The following RUNX1T1 variants were observed in gnomAD, a reference collection of about 807,000 sequenced individuals.
RUNX1T1 encodes RUNX1 partner transcriptional co-repressor 1, also known as protein CBFA2T1.
A neutral mutation model predicts 62.8 loss-of-function variants in RUNX1T1; 4 were observed. The observed-to-expected ratio is 0.06, with a 90% CI of 0.03 to 0.15. RUNX1T1 has a LOEUF of 0.15. RUNX1T1 is among the 10% of genes least tolerant of loss of function. RUNX1T1 has a pLI of 1.00. For missense variants in RUNX1T1, 508 were observed against 754.3 expected (o/e 0.67, Z 3.82); for synonymous variants, 291 against 286.0 (o/e 1.02, Z -0.18).
At position 92,075,872 on chromosome 8, in the gene RUNX1T1, A is replaced by G. The variant is rs1587495190; in HGVS notation, c.88+93T>C. 8 of 1,203,596 alleles carry G rather than the reference A, an allele frequency of 6.6e-6. No individual in the cohort carries two copies. In the East Asian group the frequency reaches 2.0e-4, roughly 30 times the overall value. 74.6% of individuals were successfully genotyped at this position (1,203,596 alleles called of 1,614,324 possible). On this transcript the variant is annotated intron_variant, in intron 2 of 11. Coordinates refer to the RUNX1T1 transcript ENST00000265814. ...GCACTAGAAGAAGGAAGAAAAAAGA[A>G]AATCTTTACAATTATAATTTATTGG... is the stretch of plus-strand genomic sequence containing the variant.
At chr8:91,970,826 C>T (rs572404332) in exon 10 of RUNX1T1, 1 of 1,610,752 alleles carries the variant, frequency 6.2e-7, no homozygotes, top group African/African-American at 1.3e-5. Flanking sequence ...TCGCCTGGCG[C>T]TTCACCTCAT....
At chr8:91,959,236 G>A (rs763224878) in exon 11 of RUNX1T1, 7 of 218,124 alleles carry the variant, frequency 3.2e-5, no homozygotes, top group African/African-American at 6.7e-5. Context: ...GGCTGGAGCT[G>A]AAGCCACCAT....
chr8:92,004,986 G>T, intron 5 of RUNX1T1, 130 bp downstream of exon 6: 1 of 752,808 alleles, frequency 1.3e-6, no homozygotes, highest in Non-Finnish European at 2.1e-6. Context: ...TCTCAAGATG[G>T]CCACAATGGC....
intron 1 of RUNX1T1, among the ~76,000 whole-genome samples, chr8:92,057,836 C>T (rs2130518532): frequency 6.6e-6 from 1 of 152,194 alleles, no homozygotes; most frequent in South Asian, 2.1e-4. Flanking sequence ...CAAAGAACTG[C>T]AACTGTACAC....
intron 5 of RUNX1T1, among the ~76,000 whole-genome samples, chr8:91,993,626 G>C (rs1017377973): frequency 6.6e-6 from 1 of 152,024 alleles, no homozygotes; most frequent in Non-Finnish European, 1.5e-5. Flanking sequence ...CCTATCTCAG[G>C]CTTTTTTCCC....
chr8:92,058,880 A>C (rs1365047607), intron 1 of RUNX1T1, among the ~76,000 whole-genome samples: 3 of 152,230 alleles, frequency 2.0e-5, no homozygotes, highest in Admixed American at 2.0e-4. Flanking sequence ...TAGTTGTCTT[A>C]TGAAAGCTTA....
At chr8:91,963,474 A>G (rs779388765) in intron 10 of RUNX1T1, among the ~76,000 whole-genome samples, 1 of 151,948 alleles carries the variant, frequency 6.6e-6, no homozygotes, top group African/African-American at 2.4e-5. Context: ...TCATTAGAAA[A>G]CTGAAAGAGC....
chr8:92,087,253 G>A (rs1205001755), intron 1 of RUNX1T1, among the ~76,000 whole-genome samples: 2 of 152,094 alleles, frequency 1.3e-5, no homozygotes, highest in East Asian at 3.9e-4. Flanking sequence ...AGAAGTTGAA[G>A]CTTAAATCAA....
At chr8:92,005,085 A>C in intron 5 of RUNX1T1, 31 bp downstream of exon 6, 2 of 1,561,364 alleles carry the variant, frequency 1.3e-6, no homozygotes. Context: ...GAAAAAGGTC[A>C]TGGTTCATCC....
chr8:92,039,946 T>C (rs947795682), intron 1 of RUNX1T1, among the ~76,000 whole-genome samples: 2 of 152,178 alleles, frequency 1.3e-5, no homozygotes, highest in African/African-American at 2.4e-5. Context: ...TCTTCTTCAA[T>C]CTACCCTTCC....
intron 1 of RUNX1T1, among the ~76,000 whole-genome samples, chr8:92,033,069 C>T (rs908290255): frequency 6.6e-6 from 1 of 152,062 alleles, no homozygotes; most frequent in African/African-American, 2.4e-5. Context: ...TTAGGCAATA[C>T]ATATCATCAA....
At chr8:91,959,443 T>TATATGTGC (rs145584576) in exon 11 of RUNX1T1, 3 of 114,658 alleles carry the variant, frequency 2.6e-5, no homozygotes, top group African/African-American at 1.8e-4. Flanking sequence ...TGTGTGTGTG[T>TATATGTGC]GTGTGTGTGT....
intron 6 of RUNX1T1, among the ~76,000 whole-genome samples, chr8:91,987,265 T>C (rs1476437213): frequency 1.3e-5 from 2 of 152,308 alleles, no homozygotes; most frequent in East Asian, 3.9e-4. Flanking sequence ...TGCAACACTC[T>C]GTAAGTAAAA....
Position 91,991,628 on chromosome 8 carries a change from T to A in RUNX1T1, c.910+11A>T, listed in dbSNP as rs72669800. The A allele has an allele frequency of 5.5e-5, 89 of 1,610,314 alleles. No homozygotes were observed. Among genetic ancestry groups the A allele is most frequent in the Non-Finnish European group, 7.6e-5 (89 of 1,176,974 alleles). ...AATCCCGTAAGAAGTGAACAGGTCC[T>A]TCAGTCTTACCCATAGGTCTGTTTC... is the stretch of plus-strand genomic sequence containing the variant. On this transcript the variant is annotated intron_variant, in intron 6 of 10. Coordinates refer to ENST00000396218, the Ensembl canonical transcript of RUNX1T1.
At chr8:92,088,037 C>A (rs191803638) in intron 1 of RUNX1T1, among the ~76,000 whole-genome samples, 19 of 152,266 alleles carry the variant, frequency 1.2e-4, no homozygotes, top group African/African-American at 3.8e-4. Flanking sequence ...AGGTCAAATG[C>A]GGAACTCATT....
intron 8 of RUNX1T1, 94 bp downstream of exon 9, chr8:91,986,030 T>G: frequency 1.1e-6 from 1 of 881,846 alleles, no homozygotes; most frequent in South Asian, 1.4e-5. Flanking sequence ...TTAAAATTCC[T>G]TGCATATCCT....
intron 1 of RUNX1T1, among the ~76,000 whole-genome samples, chr8:92,031,567 G>A (rs1331337638): frequency 6.6e-6 from 1 of 152,058 alleles, no homozygotes; most frequent in East Asian, 1.9e-4. Flanking sequence ...GACCTCATGG[G>A]CTCTAGCGAT....
chr8:92,051,884 T>C (rs1418448123), intron 1 of RUNX1T1, among the ~76,000 whole-genome samples: 2 of 151,068 alleles, frequency 1.3e-5, no homozygotes, highest in Non-Finnish European at 1.5e-5. Flanking sequence ...TTAATGTTCA[T>C]GCTCTTTAAA....
intron 1 of RUNX1T1, 90 bp from the exon 3 acceptor site, chr8:92,017,453 A>G (rs1317605493): frequency 2.5e-6 from 4 of 1,599,708 alleles, no homozygotes; most frequent in Non-Finnish European, 3.4e-6. Context: ...GCAAGTGAAC[A>G]GAAGAAATTC....
Sources: allele counts gnomAD v4.1 joint callset (sites outside exome capture counted in the v4.1 genomes callset), GRCh38; gene constraint gnomAD v4.1.1; transcripts MANE v1.5; gene names NCBI Gene and HGNC (gene_info 2026-07-23, HGNC 2026-07-21).